The following NRDE2 variants were observed in gnomAD, a reference collection of about 807,000 sequenced individuals.
NRDE2 encodes nuclear exosome regulator NRDE2.
A neutral mutation model predicts 124.2 loss-of-function variants in NRDE2; 76 were observed. That is an observed-to-expected ratio of 0.61 (90% confidence interval 0.51 to 0.74). NRDE2 has a LOEUF of 0.74. Among genes scored for constraint, NRDE2 ranks in the 30% least tolerant of loss-of-function variants. The pLI is 0.00. For missense variants in NRDE2, 1,314 were observed against 1,417.3 expected (o/e 0.93, Z 1.17); for synonymous variants, 489 against 528.1 (o/e 0.93, Z 1.01).
intron 1 of NRDE2, among the ~76,000 whole-genome samples, chr14:90,327,659 T>C (rs530710272): frequency 6.6e-5 from 10 of 152,144 alleles, no homozygotes; most frequent in Non-Finnish European, 1.5e-4. Context: ...TGGTCACCTC[T>C]AGAAGTTACT....
intron 2 of NRDE2, 172 bp downstream of exon 2, chr14:90,317,833 G>GA (rs3215873): frequency 0.26 from 124,677 of 478,356 alleles, 8,454 homozygotes; most frequent in Middle Eastern, 0.29. Context: ...GCAAAGCAAA[G>GA]AAAAAAAAAA....
intron 2 of NRDE2, 107 bp from the exon 3 acceptor site, chr14:90,316,918 A>G: frequency 1.3e-6 from 1 of 761,912 alleles, no homozygotes; most frequent in South Asian, 1.9e-5. Flanking sequence ...ATAAATGTTC[A>G]CACAGATTTA....
chr14:90,282,404 A>T (rs932949017), intron 12 of NRDE2, among the ~76,000 whole-genome samples: 1 of 151,456 alleles, frequency 6.6e-6, no homozygotes, highest in African/African-American at 2.4e-5. Context: ...TGAGCCCAGG[A>T]GGTTGAGGCT....
In NRDE2 at chr14:90,268,655, G is replaced by C; in HGVS notation, c.*9681C>G. The C allele has an allele frequency of 2.4e-6, 1 of 415,178 alleles. No individual in the cohort carries two copies. Among genetic ancestry groups the C allele is most frequent in the Non-Finnish European group, 4.3e-6 (1 of 233,222 alleles). The allele number at this position is 415,178 out of a possible 1,614,324, so 25.7% of individuals were successfully genotyped here. A position where few individuals can be genotyped will look rare whatever the true frequency, so the allele number is the denominator to read the frequency against. ...TGTCTTGAGCACCCGCCCTGATCCAGGACCATCTGGACTCTAGGGACACAG... is the reference window on the plus strand; with the variant it reads ...TGTCTTGAGCACCCGCCCTGATCCACGACCATCTGGACTCTAGGGACACAG... On this transcript the variant is annotated 3_prime_UTR_variant, in exon 14 of 14. Coordinates refer to ENST00000354366, the MANE Select transcript of NRDE2 (RefSeq NM_017970.4).
intron 4 of NRDE2, among the ~76,000 whole-genome samples, chr14:90,307,450 G>T (rs758112479): frequency 1.5e-5 from 2 of 133,750 alleles, no homozygotes; most frequent in African/African-American, 2.7e-5. Context: ...TAACGGCCAG[G>T]CGTGGTGGCT....
At chr14:90,306,890 G>A (rs1279574798) in intron 4 of NRDE2, among the ~76,000 whole-genome samples, 1 of 151,890 alleles carries the variant, frequency 6.6e-6, no homozygotes, top group Non-Finnish European at 1.5e-5. Flanking sequence ...TAAAAAGCTA[G>A]TTTTGTTCTC....
chr14:90,304,838 T>A (rs1471688740), intron 4 of NRDE2, among the ~76,000 whole-genome samples: 1 of 152,218 alleles, frequency 6.6e-6, no homozygotes, highest in African/African-American at 2.4e-5. Context: ...AATATTTTCC[T>A]GTGTCCCTAC....
chr14:90,321,431 A>G (rs1371933250), intron 1 of NRDE2, among the ~76,000 whole-genome samples: 1 of 151,904 alleles, frequency 6.6e-6, no homozygotes, highest in Admixed American at 6.6e-5. Context: ...TTCAGAAAGA[A>G]AGAAAACTTG....
chr14:90,291,167 G>A (rs1272269908), intron 9 of NRDE2, among the ~76,000 whole-genome samples: 1 of 152,136 alleles, frequency 6.6e-6, no homozygotes, highest in African/African-American at 2.4e-5. Context: ...GCAATTATAA[G>A]AGCCTAACAC....
Position 90,286,452 on chromosome 14 carries a change from C to T in NRDE2, c.3199G>A (p.Gly1067Ser), listed in dbSNP as rs370281803. ...AGGGCTTGGATCCGATGCATTAAGC[C>T]GGTCTCAGGAATTGTGGCGTGGATC... ...REIHATIPET[G>S]LMHRIQALFE... is the part of the protein sequence containing the mutation. Residue 1067 changes from glycine (G) to serine (S), a missense_variant, in exon 12 of 14, where the codon GGC becomes AGC. Transcript: ENST00000354366. 33 of 1,613,998 alleles carry T rather than the reference C, an allele frequency of 2.0e-5. No individual in the cohort carries two copies. Among genetic ancestry groups the T allele is most frequent in the Middle Eastern group, 1.6e-4 (1 of 6,082 alleles).
Position 90,304,340 on chromosome 14 carries a change from C to T in NRDE2, c.600G>A (p.Lys200=). The change falls in exon 5 of 14, where the codon AAG becomes AAA. Residue 200 remains lysine (K), a synonymous_variant. Transcript: ENST00000354366. ...TCCCTTCCCAAGATATGCACTGCTT[C>T]TTAGGGTTAATGCCAAGGCAGGAGT... ...KGDSCLGINP[K]KQCISWEGTS... The T allele has an allele frequency of 1.9e-6, 3 of 1,613,798 alleles. No homozygotes were observed. The highest frequency in any genetic ancestry group is 1.7e-6 in the Non-Finnish European group (2 of 1,179,822).
At chr14:90,311,052 T>G (rs11844044) in intron 4 of NRDE2, among the ~76,000 whole-genome samples, 5,698 of 152,210 alleles carry the variant, frequency 0.037, 376 homozygotes, top group African/African-American at 0.13. Context: ...GCTTATGTGG[T>G]GAGGTATAAT....
intron 11 of NRDE2, among the ~76,000 whole-genome samples, 189 bp downstream of exon 11, chr14:90,288,028 G>A (rs926268356): frequency 2.0e-5 from 3 of 152,210 alleles, no homozygotes; most frequent in African/African-American, 7.2e-5. Context: ...CCTCCTGAGA[G>A]GCGCCGCTAC....
Position 90,318,019 on chromosome 14 carries a change from C to T in NRDE2, c.159G>A (p.Gly53=). 6.2e-7 allele frequency: 1 copy of T among 1,613,896 alleles called. No individual in the cohort carries two copies. The highest frequency in any genetic ancestry group is 1.7e-5 in the Admixed American group (1 of 59,954). The change falls in exon 2 of 14, where the codon GGG becomes GGA. Residue 53 remains glycine, a synonymous_variant. Transcript: ENST00000354366. Reference sequence around the variant, plus strand: ...ACAAAAACTACCTTGTCAGCGGTAACCCTTCAGAAACATGGGCTGGAGCTG... The same window carrying T: ...ACAAAAACTACCTTGTCAGCGGTAATCCTTCAGAAACATGGGCTGGAGCTG... ...TEAAPAHVSE[G]LPLTRSHLKS... is the part of the protein sequence containing the mutation.
intron 1 of NRDE2, among the ~76,000 whole-genome samples, chr14:90,319,416 A>G (rs956946158): frequency 6.6e-6 from 1 of 152,160 alleles, no homozygotes; most frequent in Admixed American, 6.5e-5. Flanking sequence ...GGTCATCTTC[A>G]TAACTTTAGA....
rs980080211 is a variant in NRDE2, at chr14:90,277,275, T to C, written c.*1061A>G. ...GCGTCCGTCAGTTGCCAGCCAAAAT[T>C]ATACACTGGCTTTTCTAAATGTGCT... On this transcript the variant is annotated 3_prime_UTR_variant, in exon 14 of 14. Coordinates refer to ENST00000354366, the MANE Select transcript of NRDE2 (RefSeq NM_017970.4). The C allele has an allele frequency of 1.3e-5, 2 of 152,194 alleles. No individual in the cohort carries two copies. Among genetic ancestry groups the C allele is most frequent in the Non-Finnish European group, 2.9e-5 (2 of 68,098 alleles). 9.4% of individuals were successfully genotyped at this position (152,194 alleles called of 1,614,324 possible).
rs75183139 is a variant in NRDE2, at chr14:90,319,616, T to C, written c.65-1503A>G. On this transcript the variant is annotated intron_variant, in intron 1 of 13. Transcript: ENST00000354366. ...TATAATATACGTGGTCTTTTGTAACTTACCACAATGTTTTCAAGGTTCATC... is the reference window on the plus strand; with the variant it reads ...TATAATATACGTGGTCTTTTGTAACCTACCACAATGTTTTCAAGGTTCATC... 2.3e-3 allele frequency among the ~76,000 whole-genome samples: 354 copies of C among 152,318 alleles called. 1 individual carries two copies. Among genetic ancestry groups the C allele is most frequent in the African/African-American group, 8.1e-3 (336 of 41,570 alleles).
chr14:90,289,125 A>T lies in NRDE2; in HGVS notation c.2250T>A (p.Thr750=). 1 of 1,606,518 alleles carries T rather than the reference A, an allele frequency of 6.2e-7. No homozygotes were observed. The highest frequency in any genetic ancestry group is 8.5e-7 in the Non-Finnish European group (1 of 1,174,292). Residue 750 remains threonine, a synonymous_variant, in exon 11 of 14, where the codon ACT becomes ACA. Transcript: ENST00000354366. ...GAGACTTTAATCTCTTCTTGTTTTT[A>T]GTGTGCAGGCACCAAATGACCTACA... ...EIAKVIWCLH[T]KNKKRLKSQG...
Position 90,270,109 on chromosome 14 carries a change from G to T in NRDE2, c.*8227C>A, listed in dbSNP as rs191343301. 1.5e-6 allele frequency: 2 copies of T among 1,375,244 alleles called. No homozygotes were observed. The highest frequency in any genetic ancestry group is 1.5e-5 in the South Asian group (1 of 66,012). 85.2% of individuals were successfully genotyped at this position (1,375,244 alleles called of 1,614,324 possible). ...CAGAATTCTGTCCGACTGAAACTTC[G>T]TATGTAAGGAGATGGGCTGAGGCCT... On this transcript the variant is annotated 3_prime_UTR_variant, in exon 14 of 14. Transcript: ENST00000354366.
Sources: allele counts gnomAD v4.1 joint callset (sites outside exome capture counted in the v4.1 genomes callset), GRCh38; gene constraint gnomAD v4.1.1; transcripts MANE v1.5; gene names NCBI Gene and HGNC (gene_info 2026-07-23, HGNC 2026-07-21).